FARP1: variants seen among roughly 807,000 people sequenced by gnomAD.
The protein encoded by FARP1 is FERM, ARHGEF and pleckstrin domain-containing protein 1.
A neutral mutation model predicts 128.8 loss-of-function variants in FARP1; 52 were observed. The observed-to-expected ratio is 0.40, with a 90% CI of 0.32 to 0.51. The LOEUF (loss-of-function observed/expected upper bound fraction) is 0.51, where lower values mean the gene tolerates loss of function less well. FARP1 is among the 20% of genes least tolerant of loss of function. FARP1 has a pLI of 0.45. For synonymous variants in FARP1, 580 were observed against 551.8 expected, an observed-to-expected ratio of 1.05 and a Z score of -0.72; for missense variants, 1,333 against 1,367.9, an observed-to-expected ratio of 0.97 and a Z score of 0.40.
intron 2 of FARP1, among the ~76,000 whole-genome samples, chr13:98,274,675 C>T (rs1002724214): frequency 2.0e-5 from 3 of 152,146 alleles, no homozygotes; most frequent in African/African-American, 7.2e-5. Context: ...TCCTCCCCAG[C>T]AGACTTCCTA....
At chr13:98,311,327 TTTTG>T (rs1360404675) in intron 2 of FARP1, among the ~76,000 whole-genome samples, 1 of 152,192 alleles carries the variant, frequency 6.6e-6, no homozygotes, top group African/African-American at 2.4e-5. Context: ...CCCAGGTTTT[TTTTG>T]TTTGTTTGTT....
intron 13 of FARP1, chr13:98,405,539 T>C (rs1210806652): frequency 1.3e-5 from 2 of 152,138 alleles, no homozygotes; most frequent in African/African-American, 4.8e-5. Flanking sequence ...CATGAAATCA[T>C]GGGGAAGAGG....
At chr13:98,266,247 C>T (rs1245430931) in intron 2 of FARP1, among the ~76,000 whole-genome samples, 1 of 152,150 alleles carries the variant, frequency 6.6e-6, no homozygotes, top group Non-Finnish European at 1.5e-5. Flanking sequence ...ATTATTTCAT[C>T]CCATTCCTGT....
At position 98,293,790 on chromosome 13, in the gene FARP1, G is replaced by A. The variant is rs534002646; in HGVS notation, c.172-49972G>A. On this transcript the variant is annotated intron_variant, in intron 2 of 26. Coordinates refer to ENST00000319562, the MANE Select transcript of FARP1 (RefSeq NM_005766.4). ...TAACATGGGCCAGTGGAGAGGGTGCGGCCTCCTGCCCACTGGGAAGAAAGG... is the reference window on the plus strand; with the variant it reads ...TAACATGGGCCAGTGGAGAGGGTGCAGCCTCCTGCCCACTGGGAAGAAAGG... 1.9e-3 allele frequency among the ~76,000 whole-genome samples: 294 copies of A among 152,240 alleles called. 1 individual carries two copies. The highest frequency in any genetic ancestry group is 6.8e-3 in the African/African-American group (283 of 41,552).
chr13:98,264,879 A>G (rs773170573), intron 2 of FARP1, among the ~76,000 whole-genome samples: 55 of 152,198 alleles, frequency 3.6e-4, no homozygotes, highest in Non-Finnish European at 7.1e-4. Context: ...AATTCTTACT[A>G]TTCATTCTAT....
In FARP1 at chr13:98,389,506, G is replaced by A. The variant is rs1162950815; in HGVS notation, c.856-451G>A. ...TAGTTCCTGGGGTGGCCTGGAGCCC[G>A]GAGCCGTGGGCGACTTCACAGAGAA... On this transcript the variant is annotated intron_variant, in intron 9 of 26. Coordinates refer to ENST00000319562, the MANE Select transcript of FARP1 (RefSeq NM_005766.4). 20 of 151,600 alleles carry A rather than the reference G, an allele frequency of 1.3e-4. No individual in the cohort carries two copies. In the South Asian group the frequency reaches 3.2e-3, roughly 24 times the overall value. 9.4% of individuals were successfully genotyped at this position (151,600 alleles called of 1,614,324 possible).
intron 1 of FARP1, among the ~76,000 whole-genome samples, chr13:98,152,679 G>C (rs1201861630): frequency 6.6e-6 from 1 of 152,162 alleles, no homozygotes; most frequent in Non-Finnish European, 1.5e-5. Flanking sequence ...AAAGCATCAT[G>C]ACTGATATAT....
At chr13:98,317,214 G>T (rs1407431422) in intron 2 of FARP1, among the ~76,000 whole-genome samples, 1 of 152,194 alleles carries the variant, frequency 6.6e-6, no homozygotes, top group African/African-American at 2.4e-5. Context: ...GAGAGCAAGA[G>T]AGATTTCAAA....
At chr13:98,255,756 C>A (rs1268997625) in intron 2 of FARP1, among the ~76,000 whole-genome samples, 1 of 152,056 alleles carries the variant, frequency 6.6e-6, no homozygotes, top group Non-Finnish European at 1.5e-5. Flanking sequence ...AAACAGAGAC[C>A]CTTTTGGAAA....
At chr13:98,433,560 C>T (rs1399599462) in intron 18 of FARP1, 2 of 152,222 alleles carry the variant, frequency 1.3e-5, no homozygotes, top group Non-Finnish European at 2.9e-5. Flanking sequence ...GAGACCTTGT[C>T]TCTACAAAAA....
chr13:98,143,861 G>T (rs974413558), intron 1 of FARP1, among the ~76,000 whole-genome samples: 1 of 151,736 alleles, frequency 6.6e-6, no homozygotes, highest in East Asian at 2.0e-4. Flanking sequence ...AGCGCTGGAC[G>T]CCGCTTCCGG....
intron 2 of FARP1, chr13:98,341,144 T>TA (rs66470261): frequency 0.4 from 59,247 of 146,940 alleles, 11,899 homozygotes; most frequent in Non-Finnish European, 0.46. Context: ...CGGCATCTGT[T>TA]AAAAAAAAAA....
chr13:98,344,708 T>A (rs1888106846), intron 3 of FARP1, among the ~76,000 whole-genome samples: 1 of 152,110 alleles, frequency 6.6e-6, no homozygotes, highest in Admixed American at 6.5e-5. Flanking sequence ...GGAAGAGCCG[T>A]CAGAGGCAGT....
intron 2 of FARP1, among the ~76,000 whole-genome samples, chr13:98,277,923 C>G (rs531475174): frequency 1.1e-5 from 1 of 86,974 alleles, no homozygotes; most frequent in South Asian, 4.1e-4. Context: ...TTCTATTGTG[C>G]AGCGAGGGTC....
intron 2 of FARP1, among the ~76,000 whole-genome samples, chr13:98,294,730 C>A (rs1430576094): frequency 6.6e-6 from 1 of 151,944 alleles, no homozygotes; most frequent in Non-Finnish European, 1.5e-5. Flanking sequence ...TATGTATGTC[C>A]CCAAGGCCAG....
chr13:98,398,979 C>G (rs1479019880), intron 13 of FARP1: 1 of 152,154 alleles, frequency 6.6e-6, no homozygotes, highest in Non-Finnish European at 1.5e-5. Flanking sequence ...TGATTTTTAT[C>G]TAAGTATTTT....
At chr13:98,263,510 G>GA (rs997557348) in intron 2 of FARP1, among the ~76,000 whole-genome samples, 2 of 152,116 alleles carry the variant, frequency 1.3e-5, no homozygotes, top group African/African-American at 4.8e-5. Context: ...TCTCAAAAGA[G>GA]AAAAAAGTTT....
intron 5 of FARP1, among the ~76,000 whole-genome samples, chr13:98,377,084 T>C (rs1357424712): frequency 6.6e-6 from 1 of 151,966 alleles, no homozygotes; most frequent in East Asian, 1.9e-4. Context: ...GGGCAGATCA[T>C]GAGGTCAAGA....
At chr13:98,213,188 G>A in intron 1 of FARP1, 32 bp from the exon 2 acceptor site, 1 of 1,569,512 alleles carries the variant, frequency 6.4e-7, no homozygotes, top group Non-Finnish European at 8.7e-7. Context: ...CTCCTATTCT[G>A]ATGTGTTTTT....
Sources: allele counts gnomAD v4.1 joint callset (sites outside exome capture counted in the v4.1 genomes callset), GRCh38; gene constraint gnomAD v4.1.1; transcripts MANE v1.5; gene names NCBI Gene and HGNC (gene_info 2026-07-23, HGNC 2026-07-21).